Variants in NOS1 observed in about 807,000 individuals in gnomAD.
NOS1 encodes nitric oxide synthase 1.
In NOS1, 51 loss-of-function variants were observed where a neutral mutation model predicts 164.5. The observed-to-expected ratio is 0.31, with a 90% confidence interval of 0.25 to 0.39. NOS1 has a LOEUF of 0.39. NOS1 is among the 10% of genes least tolerant of loss of function. The pLI is 1.00. For missense variants in NOS1, 1,362 were observed against 1,885.6 expected (o/e 0.72, Z 5.14); for synonymous variants, 719 against 745.8 (o/e 0.96, Z 0.59).
In NOS1 at chr12:117,208,236, A is replaced by G; in HGVS notation, c.*7073T>C. On this transcript the variant is annotated 3_prime_UTR_variant, in exon 29 of 29. Transcript: ENST00000317775. ...AATTGGAAGATGAGAACTATACAGAAGAAGAGCATGCGACAAACACAGCCT... is the reference window on the plus strand; with the variant it reads ...AATTGGAAGATGAGAACTATACAGAGGAAGAGCATGCGACAAACACAGCCT... 1 of 1,255,412 alleles carries G rather than the reference A, an allele frequency of 8.0e-7. No homozygotes were observed. The highest frequency in any genetic ancestry group is 1.0e-6 in the Non-Finnish European group (1 of 964,258). The allele number at this position is 1,255,412 out of a possible 1,614,324, so 77.8% of individuals were successfully genotyped here. A position where few individuals can be genotyped will look rare whatever the true frequency, so the allele number is the denominator to read the frequency against.
At chr12:117,271,316 T>C (rs1349821447) in intron 10 of NOS1, among the ~76,000 whole-genome samples, 1 of 151,784 alleles carries the variant, frequency 6.6e-6, no homozygotes, top group Non-Finnish European at 1.5e-5. Context: ...CTCGCTCTGT[T>C]GCCCAGGCTG....
At chr12:117,351,436 A>T (rs1876614466) in intron 1 of NOS1, among the ~76,000 whole-genome samples, 1 of 152,010 alleles carries the variant, frequency 6.6e-6, no homozygotes, top group African/African-American at 2.4e-5. Context: ...GTACTTAAGC[A>T]CCCCTTTGTT....
chr12:117,283,056 A>ATATTT (rs1360367568), intron 7 of NOS1, among the ~76,000 whole-genome samples: 1 of 92,954 alleles, frequency 1.1e-5, no homozygotes, highest in Non-Finnish European at 2.3e-5. Flanking sequence ...ATATATATAT[A>ATATTT]TTTTTTTTTT....
intron 1 of NOS1, among the ~76,000 whole-genome samples, chr12:117,361,132 G>T (rs1367231129): frequency 1.3e-5 from 2 of 152,066 alleles, no homozygotes; most frequent in Admixed American, 6.5e-5. Context: ...CTCACCTGAC[G>T]CCGAGCCGGG....
chr12:117,300,577 GGAGA>G (rs1873753605), intron 3 of NOS1, among the ~76,000 whole-genome samples: 1 of 152,146 alleles, frequency 6.6e-6, no homozygotes, highest in African/African-American at 2.4e-5. Flanking sequence ...CCTCTGGGAT[GGAGA>G]GAGACTGTGT....
At chr12:117,220,346 C>T in intron 26 of NOS1, 77 bp from the exon 27 acceptor site, 1 of 1,411,244 alleles carries the variant, frequency 7.1e-7, no homozygotes. Context: ...GCCCAGGAAG[C>T]AGAGCCTGAC....
At chr12:117,360,966 C>A (rs1256765885) in intron 1 of NOS1, among the ~76,000 whole-genome samples, 1 of 152,180 alleles carries the variant, frequency 6.6e-6, no homozygotes, top group Non-Finnish European at 1.5e-5. Flanking sequence ...GGACCGGAGC[C>A]CCCGGCCTGA....
chr12:117,211,982 T>A lies in NOS1; in HGVS notation c.*3327A>T. The A allele has an allele frequency of 1.4e-6, 1 of 691,068 alleles. No homozygotes were observed. The highest frequency in any genetic ancestry group is 1.8e-6 in the Non-Finnish European group (1 of 561,106). 42.8% of individuals were successfully genotyped at this position (691,068 alleles called of 1,614,324 possible). ...CAGGAGGCCGAGGCAGAAGAATCAC[T>A]TGAACTGGGGGAGGCAGAGGATGCA... On this transcript the variant is annotated 3_prime_UTR_variant, in exon 29 of 29. Transcript: ENST00000317775.
At position 117,290,395 on chromosome 12, in the gene NOS1, T is replaced by C; in HGVS notation, c.884A>G (p.Lys295Arg). The C allele has an allele frequency of 6.2e-7, 1 of 1,613,620 alleles. No homozygotes were observed. Among genetic ancestry groups the C allele is most frequent in the Non-Finnish European group, 8.5e-7 (1 of 1,179,766 alleles). The change falls in exon 4 of 29, where the codon AAG becomes AGG. Residue 295 changes from lysine (K) to arginine (R), a missense_variant. Transcript: ENST00000317775. ...PPTSGKQSPT[K>R]NGSPSKCPRF... Reference sequence around the variant, plus strand: ...TGGACACTTGGAGGGGCTGCCATTCTTTGTGGGGGACTGTTTTCCTGAGGT... The same window carrying C: ...TGGACACTTGGAGGGGCTGCCATTCCTTGTGGGGGACTGTTTTCCTGAGGT...
intron 11 of NOS1, among the ~76,000 whole-genome samples, chr12:117,266,930 C>T (rs1343845165): frequency 2.0e-5 from 3 of 152,182 alleles, no homozygotes; most frequent in African/African-American, 7.2e-5. Flanking sequence ...ACTCCTGAAA[C>T]CTCATTCTCC....
At chr12:117,318,687 T>A (rs1314296051) in intron 2 of NOS1, among the ~76,000 whole-genome samples, 1 of 152,190 alleles carries the variant, frequency 6.6e-6, no homozygotes, top group Non-Finnish European at 1.5e-5. Context: ...TGCTGACCAC[T>A]TATGGACCCC....
At chr12:117,353,282 A>G (rs1180502719) in intron 1 of NOS1, among the ~76,000 whole-genome samples, 1 of 151,842 alleles carries the variant, frequency 6.6e-6, no homozygotes, top group East Asian at 1.9e-4. Flanking sequence ...TCCTCTAGCT[A>G]TTATCTATCT....
At chr12:117,342,301 C>G (rs996858524) in intron 1 of NOS1, among the ~76,000 whole-genome samples, 2 of 152,064 alleles carry the variant, frequency 1.3e-5, no homozygotes, top group Non-Finnish European at 2.9e-5. Context: ...AGCTTACAAC[C>G]TAGGGTGGAG....
chr12:117,299,894 G>GC (rs1257204938), intron 3 of NOS1, among the ~76,000 whole-genome samples: 1 of 151,840 alleles, frequency 6.6e-6, no homozygotes, highest in Non-Finnish European at 1.5e-5. Context: ...ACAACTTTCA[G>GC]CTTGGTCCCA....
intron 1 of NOS1, among the ~76,000 whole-genome samples, chr12:117,360,936 GC>G (rs1877113575): frequency 6.6e-6 from 1 of 152,092 alleles, no homozygotes; most frequent in Non-Finnish European, 1.5e-5. Context: ...CAAAGTTGGA[GC>G]CTGGGCGCGT....
intron 25 of NOS1, 82 bp from the exon 26 acceptor site, chr12:117,222,945 G>C: frequency 3.3e-6 from 5 of 1,508,488 alleles, no homozygotes; most frequent in Non-Finnish European, 4.5e-6. Flanking sequence ...ATGGGGTACT[G>C]AGACCTTAGC....
intron 21 of NOS1, among the ~76,000 whole-genome samples, chr12:117,232,914 G>A (rs1455895266): frequency 6.6e-6 from 1 of 151,990 alleles, no homozygotes; most frequent in East Asian, 1.9e-4. Context: ...CTGTTGCCCA[G>A]GCGAGTGCAG....
At chr12:117,225,925 AGCC>A (rs1233386524) in intron 24 of NOS1, among the ~76,000 whole-genome samples, 1 of 152,202 alleles carries the variant, frequency 6.6e-6, no homozygotes, top group Non-Finnish European at 1.5e-5. Context: ...CACTGCGCCC[AGCC>A]CAGAGCCACT....
intron 21 of NOS1, among the ~76,000 whole-genome samples, chr12:117,232,490 C>A (rs1435758752): frequency 6.6e-6 from 1 of 152,148 alleles, no homozygotes; most frequent in Non-Finnish European, 1.5e-5. Flanking sequence ...CAGCCTCTCA[C>A]CCCCTGAATG....
Sources: gnomAD v4.1 joint callset for allele counts (sites outside exome capture counted in the v4.1 genomes callset) on GRCh38, gnomAD v4.1.1 for gene constraint, MANE v1.5 for transcripts, NCBI Gene and HGNC (gene_info 2026-07-23, HGNC 2026-07-21) for gene names.